CFAP69: variants seen among roughly 807,000 people sequenced by gnomAD.
The protein encoded by CFAP69 is cilia- and flagella-associated protein 69.
Under a neutral mutation model 123.0 loss-of-function variants are expected in CFAP69, and 92 were observed. The observed-to-expected ratio is 0.75, with a 90% CI of 0.63 to 0.89. The LOEUF is 0.89. CFAP69 is among the 40% of genes least tolerant of loss of function. The probability of loss-of-function intolerance (pLI) is 0.00; values close to 1 mark genes in which losing one functional copy is unlikely to be tolerated. For synonymous variants in CFAP69, 380 were observed against 364.3 expected (o/e 1.04, Z -0.49); for missense variants, 1,067 against 1,096.9 (o/e 0.97, Z 0.39).
In CFAP69 at chr7:90,283,005, G is replaced by A. The variant is rs1298855142; in HGVS notation, c.1486G>A (p.Glu496Lys). ...LLRAVVYLED[E>K]TVNKDLCEKG... ...GAGAGCCGTGGTCTACCTTGAAGAT[G>A]AGACTGTAAACAAAGATCTTTGTGA... is the stretch of plus-strand genomic sequence containing the variant. The change falls in exon 13 of 23, where the codon GAG becomes AAG. Residue 496 changes from glutamate to lysine, a missense_variant. By Grantham distance (56) the Glu-to-Lys change is moderately conservative. Coordinates refer to ENST00000389297, the MANE Select transcript of CFAP69 (RefSeq NM_001039706.3). The A allele has an allele frequency of 1.3e-6, 2 of 1,588,172 alleles. No individual in the cohort carries two copies. The highest frequency in any genetic ancestry group is 2.7e-5 in the African/African-American group (2 of 73,516).
intron 19 of CFAP69, among the ~76,000 whole-genome samples, chr7:90,305,474 C>A (rs1467087681): frequency 6.6e-6 from 1 of 151,356 alleles, no homozygotes; most frequent in African/African-American, 2.4e-5. Context: ...CTCAATGCAA[C>A]CTCTGCCTCC....
At chr7:90,287,530 T>C (rs537352560) in intron 14 of CFAP69, 3 of 985,352 alleles carry the variant, frequency 3.0e-6, no homozygotes, top group Non-Finnish European at 1.2e-6. Flanking sequence ...GTCTCAGAGA[T>C]TGATAATTTA....
downstream of CFAP69, among the ~76,000 whole-genome samples, chr7:90,314,347 G>A (rs1794583949): frequency 6.6e-6 from 1 of 152,186 alleles, no homozygotes; most frequent in Admixed American, 6.5e-5. Flanking sequence ...CATGGGGCCA[G>A]GCACAGTGGT....
chr7:90,306,956 C>A lies in CFAP69; in HGVS notation c.2321C>A (p.Pro774Gln), dbSNP rs1280080502. 3.2e-6 allele frequency: 5 copies of A among 1,575,376 alleles called. No individual in the cohort carries two copies. Among genetic ancestry groups the A allele is most frequent in the Non-Finnish European group, 4.3e-6 (5 of 1,150,118 alleles). ...GAAATAAAATTAGAAAAATTAAGAC[C>A]AGTCACTACAGATAAAAAAGCTTTG... ...YEEIKLEKLRPVTTDKKALEA... is the reference protein window; with the variant it reads ...YEEIKLEKLRQVTTDKKALEA... The change falls in exon 20 of 23, where the codon CCA becomes CAA. Residue 774 changes from proline (P) to glutamine (Q), a missense_variant. Physicochemically the swap from Pro to Gln is moderately conservative, Grantham distance 76. Transcript: ENST00000389297.
intron 15 of CFAP69, among the ~76,000 whole-genome samples, chr7:90,291,790 G>A (rs1345407197): frequency 6.6e-6 from 1 of 152,108 alleles, no homozygotes; most frequent in Non-Finnish European, 1.5e-5. Flanking sequence ...TAACTCTTGA[G>A]TTCTGACAGA....
At chr7:90,309,606 T>G (rs1422038389) in intron 22 of CFAP69, among the ~76,000 whole-genome samples, 1 of 152,002 alleles carries the variant, frequency 6.6e-6, no homozygotes, top group Non-Finnish European at 1.5e-5. Flanking sequence ...GGGATTTTCA[T>G]CTCACATTTT....
chr7:90,291,056 G>T lies in CFAP69; in HGVS notation c.1775+2704G>T, dbSNP rs544121395. 3.9e-5 allele frequency among the ~76,000 whole-genome samples: 6 copies of T among 152,158 alleles called. No individual in the cohort carries two copies. The South Asian group carries it at 1.2e-3, about 32-fold the overall frequency. ...ACTTTAGCAAATTCTTATAGGAAAG[G>T]GTTCCTGATCCAGACCGAAAGAGAG... On this transcript the variant is annotated intron_variant, in intron 15 of 22. Coordinates refer to ENST00000389297, the MANE Select transcript of CFAP69 (RefSeq NM_001039706.3).
intron 16 of CFAP69, among the ~76,000 whole-genome samples, chr7:90,298,893 A>G (rs574653883): frequency 2.0e-5 from 3 of 152,306 alleles, no homozygotes; most frequent in South Asian, 2.1e-4. Context: ...ATCAATTTCA[A>G]TCTTTCACAT....
intron 15 of CFAP69, 47 bp from the exon 16 acceptor site, chr7:90,297,702 T>C (rs1227486442): frequency 1.2e-5 from 15 of 1,219,206 alleles, no homozygotes; most frequent in Non-Finnish European, 1.2e-5. Context: ...ACAAATTCAG[T>C]TTAACAATAA....
the CFAP69 span, chr7:90,319,223 T>C: frequency 3.0e-5 from 12 of 396,616 alleles, no homozygotes; most frequent in Non-Finnish European, 4.9e-5. Context: ...AATCAAAACC[T>C]ATCATTTTAG....
intron 13 of CFAP69, 92 bp from the exon 14 acceptor site, chr7:90,286,189 A>G (rs1168069162): frequency 1.8e-6 from 2 of 1,093,866 alleles, no homozygotes; most frequent in Non-Finnish European, 2.5e-6. Context: ...CTCTAGCCAA[A>G]TAAACTTTTT....
chr7:90,264,104 A>AAAATATATAT (rs1554354285), intron 4 of CFAP69, among the ~76,000 whole-genome samples: 1 of 48,890 alleles, frequency 2.0e-5, no homozygotes. Flanking sequence ...AAAAAAAAAA[A>AAAATATATAT]ATATATATAT....
intron 1 of CFAP69, among the ~76,000 whole-genome samples, chr7:90,253,930 G>A (rs1797328714): frequency 1.3e-5 from 2 of 152,104 alleles, no homozygotes. Flanking sequence ...GTCCTAAAGT[G>A]TTTCCCCAAT....
intron 1 of CFAP69, among the ~76,000 whole-genome samples, chr7:90,248,494 A>G (rs1796585695): frequency 6.6e-6 from 1 of 152,220 alleles, no homozygotes; most frequent in Admixed American, 6.5e-5. Flanking sequence ...TTCACAGAGT[A>G]TTAGATTTTT....
intron 1 of CFAP69, 61 bp downstream of exon 1, chr7:90,245,605 G>A: frequency 7.0e-7 from 1 of 1,428,434 alleles, no homozygotes; most frequent in Non-Finnish European, 9.2e-7. Flanking sequence ...CTCGAGACGG[G>A]GTCCAGACCT....
intron 1 of CFAP69, among the ~76,000 whole-genome samples, chr7:90,254,916 T>C (rs1398119997): frequency 6.6e-6 from 1 of 152,108 alleles, no homozygotes; most frequent in Non-Finnish European, 1.5e-5. Flanking sequence ...ATCAGTAAGA[T>C]GGAATGGACT....
chr7:90,314,864 T>C (rs1395452752), downstream of CFAP69, among the ~76,000 whole-genome samples: 1 of 149,550 alleles, frequency 6.7e-6, no homozygotes, highest in Admixed American at 6.7e-5. Flanking sequence ...ATGCTATCGC[T>C]CCCCCCCCTG....
intron 18 of CFAP69, 189 bp downstream of exon 18, chr7:90,304,295 C>G: frequency 7.6e-7 from 1 of 1,314,768 alleles, no homozygotes; most frequent in Non-Finnish European, 9.7e-7. Flanking sequence ...TGTGTGGGAT[C>G]CAGGCAATAG....
chr7:90,276,409 T>C (rs1413662337), intron 9 of CFAP69, among the ~76,000 whole-genome samples: 1 of 152,204 alleles, frequency 6.6e-6, no homozygotes. Context: ...GGAAATAATA[T>C]CTTCAGCATC....
Sources: allele counts gnomAD v4.1 joint callset (sites outside exome capture counted in the v4.1 genomes callset), GRCh38; gene constraint gnomAD v4.1.1; transcripts MANE v1.5; gene names NCBI Gene and HGNC (gene_info 2026-07-23, HGNC 2026-07-21).